Variants in KITLG observed in about 807,000 individuals in gnomAD.
The protein encoded by KITLG is KIT ligand.
Under a neutral mutation model 34.1 loss-of-function variants are expected in KITLG, and 13 were observed. The ratio of observed to expected loss-of-function variants is 0.38; its 90% CI spans 0.25 to 0.61. KITLG has a LOEUF of 0.61. KITLG is among the 20% of genes least tolerant of loss of function. KITLG has a pLI of 0.60. For synonymous variants in KITLG, 110 were observed against 104.0 expected (o/e 1.06, Z -0.35); for missense variants, 292 against 318.9 (o/e 0.92, Z 0.64).
intron 3 of KITLG, among the ~76,000 whole-genome samples, chr12:88,530,713 G>A (rs548861601): frequency 6.6e-6 from 1 of 152,016 alleles, no homozygotes; most frequent in Non-Finnish European, 1.5e-5. Context: ...AACTCAATAG[G>A]ATAGACATTG....
At chr12:88,498,706 C>T (rs1261969993) in intron 9 of KITLG, among the ~76,000 whole-genome samples, 1 of 152,084 alleles carries the variant, frequency 6.6e-6, no homozygotes, top group Non-Finnish European at 1.5e-5. Context: ...GAAACCCTGT[C>T]TCTACTAAAA....
At chr12:88,506,181 A>C (rs1869049867) in intron 8 of KITLG, 130 bp downstream of exon 8, 1 of 725,050 alleles carries the variant, frequency 1.4e-6, no homozygotes, top group African/African-American at 1.7e-5. Context: ...ACATGGATAG[A>C]GTTGGGACTC....
intron 1 of KITLG, among the ~76,000 whole-genome samples, chr12:88,552,680 T>C (rs1240989874): frequency 1.3e-5 from 2 of 152,078 alleles, no homozygotes; most frequent in Non-Finnish European, 2.9e-5. Context: ...GCAGAGCAGC[T>C]CAGCTTTTTT....
At chr12:88,567,748 T>C (rs944499032) in intron 1 of KITLG, among the ~76,000 whole-genome samples, 1 of 152,262 alleles carries the variant, frequency 6.6e-6, no homozygotes, top group Admixed American at 6.5e-5. Context: ...TTCTGGTACC[T>C]GTCCTAATGC....
rs562901928 is a variant in KITLG, at chr12:88,499,318, C to A, written c.*38-2137G>T. Reference sequence around the variant, plus strand: ...TTGCTATTTGGTAACCAACCATTGCCAAGCCTTGAGGCCTAAATTTCCAAG... The same window carrying A: ...TTGCTATTTGGTAACCAACCATTGCAAAGCCTTGAGGCCTAAATTTCCAAG... On this transcript the variant is annotated intron_variant, in intron 9 of 9. Coordinates refer to ENST00000644744, the MANE Select transcript of KITLG (RefSeq NM_000899.5). Among the ~76,000 whole-genome samples, 189 of 152,284 alleles carry A rather than the reference C, an allele frequency of 1.2e-3. 1 individual carries two copies. The highest frequency in any genetic ancestry group is 6.8e-3 in the Middle Eastern group (2 of 294).
At chr12:88,542,578 G>A (rs1870555178) in intron 2 of KITLG, among the ~76,000 whole-genome samples, 1 of 151,914 alleles carries the variant, frequency 6.6e-6, no homozygotes, top group African/African-American at 2.4e-5. Flanking sequence ...TTGAATAAAT[G>A]AAATTAGTAA....
chr12:88,521,189 G>A (rs1226157740), intron 3 of KITLG, among the ~76,000 whole-genome samples: 2 of 152,020 alleles, frequency 1.3e-5, no homozygotes, highest in East Asian at 3.8e-4. Flanking sequence ...GGCTTTTTAA[G>A]ATTCTTGAGT....
Position 88,507,131 on chromosome 12 carries a change from G to C in KITLG, c.611C>G (p.Ala204Gly), listed in dbSNP as rs777583873. ...GCTGGAGTCTCCAGGGGGATTTTTG[G>C]CCTTCCCTATAATTTAAAGAACACA... ...RNDSSSSNRK[A>G]KNPPGDSSLH... Residue 204 changes from alanine to glycine, a missense_variant, in exon 7 of 10, where the codon GCC (alanine) becomes GGC (glycine). Transcript: ENST00000644744. 2.5e-6 allele frequency: 4 copies of C among 1,604,912 alleles called. No homozygotes were observed. The Admixed American group carries it at 5.0e-5, about 20-fold the overall frequency.
chr12:88,521,177 T>C (rs1476989352), intron 3 of KITLG, among the ~76,000 whole-genome samples: 1 of 152,190 alleles, frequency 6.6e-6, no homozygotes, highest in Non-Finnish European at 1.5e-5. Flanking sequence ...CATGTATATA[T>C]TGGCTTTTTA....
In KITLG at chr12:88,572,598, TA is replaced by T. The variant is rs1566037909; in HGVS notation, c.15+7665del. ...TATATATATATTATATACATTATTA[TA>T]TATATATATATATATATATAATTTG... On this transcript the variant is annotated intron_variant, in intron 1 of 9. Transcript: ENST00000644744. 7.7e-3 allele frequency among the ~76,000 whole-genome samples: 1,070 copies of T among 139,796 alleles called. 13 individuals carry two copies. Among genetic ancestry groups the T allele is most frequent in the African/African-American group, 0.028 (1,019 of 36,758 alleles). 91.7% of individuals were successfully genotyped at this position (139,796 alleles called of 152,430 possible). A position where few individuals can be genotyped will look rare whatever the true frequency, so the allele number is the denominator to read the frequency against.
Position 88,496,554 on chromosome 12 carries a change from A to C in KITLG, c.*665T>G, listed in dbSNP as rs1417342972. 5 of 152,236 alleles carry C rather than the reference A, an allele frequency of 3.3e-5. No individual in the cohort carries two copies. Among genetic ancestry groups the C allele is most frequent in the African/African-American group, 9.7e-5 (4 of 41,444 alleles). 9.4% of individuals were successfully genotyped at this position (152,236 alleles called of 1,614,324 possible). On this transcript the variant is annotated 3_prime_UTR_variant, in exon 10 of 10. Transcript: ENST00000644744. ...AGTACTGGCTCCCTTGCATAAATGG[A>C]ACCAGGCAACCATTTGCATTTGTAT... is the stretch of plus-strand genomic sequence containing the variant.
chr12:88,501,232 T>A (rs1306540453), intron 9 of KITLG, among the ~76,000 whole-genome samples: 1 of 152,220 alleles, frequency 6.6e-6, no homozygotes, highest in East Asian at 1.9e-4. Context: ...ATATGTTCTC[T>A]ATTCTAGTGT....
intron 6 of KITLG, among the ~76,000 whole-genome samples, chr12:88,514,292 C>G (rs1466017932): frequency 6.6e-6 from 1 of 151,268 alleles, no homozygotes; most frequent in Non-Finnish European, 1.5e-5. Flanking sequence ...AAATGAAACA[C>G]AAAGCAAATG....
At chr12:88,504,649 C>A (rs1316016252) in intron 9 of KITLG, among the ~76,000 whole-genome samples, 2 of 152,142 alleles carry the variant, frequency 1.3e-5, no homozygotes, top group African/African-American at 4.8e-5. Flanking sequence ...AATAGGAACA[C>A]TTTTACACTG....
At position 88,507,133 on chromosome 12, in the gene KITLG, C is replaced by T; in HGVS notation, c.609G>A (p.Lys203=). The change falls in exon 7 of 10, where the codon AAG becomes AAA. Residue 203 remains lysine (K), a synonymous_variant. Transcript: ENST00000644744. ...LRNDSSSSNR[K]AKNPPGDSSL... ...TGGAGTCTCCAGGGGGATTTTTGGC[C>T]TTCCCTATAATTTAAAGAACACACT... 6.2e-7 allele frequency: 1 copy of T among 1,602,690 alleles called. No individual in the cohort carries two copies. Among genetic ancestry groups the T allele is most frequent in the Non-Finnish European group, 8.5e-7 (1 of 1,169,654 alleles).
chr12:88,570,858 A>G (rs1041904670), intron 1 of KITLG, among the ~76,000 whole-genome samples: 7 of 152,218 alleles, frequency 4.6e-5, no homozygotes, highest in Non-Finnish European at 1.0e-4. Context: ...ACCCATGGGG[A>G]GTAATTCACA....
intron 8 of KITLG, among the ~76,000 whole-genome samples, chr12:88,505,937 C>T (rs1234827601): frequency 2.0e-5 from 3 of 152,106 alleles, no homozygotes; most frequent in African/African-American, 7.2e-5. Context: ...TAGGAAGACG[C>T]TCCAAGAGCT....
At chr12:88,499,143 T>C (rs1388992257) in intron 9 of KITLG, among the ~76,000 whole-genome samples, 1 of 152,156 alleles carries the variant, frequency 6.6e-6, no homozygotes, top group Non-Finnish European at 1.5e-5. Flanking sequence ...TGATAACTGA[T>C]ATAAATTCAT....
At chr12:88,535,527 T>C (rs988247903) in intron 2 of KITLG, among the ~76,000 whole-genome samples, 2 of 152,184 alleles carry the variant, frequency 1.3e-5, no homozygotes, top group African/African-American at 4.8e-5. Flanking sequence ...ATGCAAACCC[T>C]GGCTTTGTGT....
Sources: gnomAD v4.1 joint callset for allele counts (sites outside exome capture counted in the v4.1 genomes callset) on GRCh38, gnomAD v4.1.1 for gene constraint, MANE v1.5 for transcripts, NCBI Gene and HGNC (gene_info 2026-07-23, HGNC 2026-07-21) for gene names.